The following UBE2H variants were observed in gnomAD, a reference collection of about 807,000 sequenced individuals.
UBE2H encodes ubiquitin conjugating enzyme E2 H.
In UBE2H, 3 loss-of-function variants were observed where a neutral mutation model predicts 29.0. The observed-to-expected ratio is 0.10, with a 90% confidence interval of 0.05 to 0.27. UBE2H has a LOEUF of 0.27. Ranked by LOEUF, UBE2H falls within the 10% of genes least tolerant of loss-of-function variation. UBE2H has a pLI of 1.00. For missense variants in UBE2H, 68 were observed against 228.2 expected (o/e 0.30, Z 4.52); for synonymous variants, 69 against 82.9 (o/e 0.83, Z 0.91).
intron 1 of UBE2H, among the ~76,000 whole-genome samples, chr7:129,890,390 T>A (rs1448814593): frequency 6.6e-6 from 1 of 151,888 alleles, no homozygotes; most frequent in Non-Finnish European, 1.5e-5. Context: ...TATATATATT[T>A]TTTTTAAAGA....
chr7:129,891,977 G>A (rs552193685), intron 1 of UBE2H, among the ~76,000 whole-genome samples: 43 of 127,738 alleles, frequency 3.4e-4, no homozygotes, highest in South Asian at 1.4e-3. Context: ...TTTTGAGACG[G>A]AGTCTTGCTT....
chr7:129,871,443 G>GT (rs1424568970), intron 3 of UBE2H, among the ~76,000 whole-genome samples: 1 of 152,156 alleles, frequency 6.6e-6, no homozygotes, highest in Non-Finnish European at 1.5e-5. Context: ...GGCCAGGCAC[G>GT]TTGGCTCACG....
chr7:129,862,891 G>A (rs1805828385), intron 3 of UBE2H, among the ~76,000 whole-genome samples: 1 of 152,160 alleles, frequency 6.6e-6, no homozygotes, highest in Non-Finnish European at 1.5e-5. Context: ...CCTAAAATAG[G>A]CTAGTTGGGG....
chr7:129,900,582 T>A (rs1806690142), intron 1 of UBE2H, among the ~76,000 whole-genome samples: 1 of 152,236 alleles, frequency 6.6e-6, no homozygotes. Context: ...TCACCATTGT[T>A]GGCCAAATCA....
intron 3 of UBE2H, among the ~76,000 whole-genome samples, chr7:129,873,163 C>T (rs1365031124): frequency 2.6e-5 from 4 of 151,638 alleles, no homozygotes; most frequent in South Asian, 2.1e-4. Context: ...GGAATACAGG[C>T]GCCCGCCACC....
chr7:129,949,533 ATGAG>A (rs1276863103), intron 1 of UBE2H, among the ~76,000 whole-genome samples: 1 of 152,192 alleles, frequency 6.6e-6, no homozygotes, highest in Admixed American at 6.5e-5. Flanking sequence ...GAAACAATGA[ATGAG>A]TCAGAGTTTC....
intron 5 of UBE2H, among the ~76,000 whole-genome samples, chr7:129,841,802 A>T (rs1805434161): frequency 6.6e-6 from 1 of 152,352 alleles, no homozygotes; most frequent in South Asian, 2.1e-4. Context: ...ATGTACCACG[A>T]AAGAAATCCT....
chr7:129,858,964 G>A, intron 3 of UBE2H, 23 bp from the exon 4 acceptor site: 2 of 1,593,150 alleles, frequency 1.3e-6, no homozygotes, highest in Non-Finnish European at 8.6e-7. Flanking sequence ...ATGTTAATTA[G>A]CAGCAAAAAG....
intron 1 of UBE2H, among the ~76,000 whole-genome samples, chr7:129,884,707 T>TCCC: frequency 6.6e-6 from 1 of 151,508 alleles, no homozygotes; most frequent in Admixed American, 6.6e-5. Context: ...CACCTCTACT[T>TCCC]CCCCCTAGCT....
chr7:129,937,201 C>A (rs1298473180), intron 1 of UBE2H, among the ~76,000 whole-genome samples: 4 of 151,802 alleles, frequency 2.6e-5, no homozygotes, highest in Non-Finnish European at 5.9e-5. Flanking sequence ...TGGTGGCAGG[C>A]ACCTGTAGCC....
chr7:129,926,477 C>G lies in UBE2H; in HGVS notation c.53+26026G>C, dbSNP rs922005510. Among the ~76,000 whole-genome samples, 4 of 151,012 alleles carry G rather than the reference C, an allele frequency of 2.6e-5. No individual in the cohort carries two copies. The East Asian group carries it at 7.9e-4, about 30-fold the overall frequency. ...TGAGCTGAGATCACACCATTGCACT[C>G]CGCCTGGGCAACAAGAGCTAAACTC... On this transcript the variant is annotated intron_variant, in intron 1 of 6. Transcript: ENST00000355621.
At chr7:129,845,581 G>C (rs1302121548) in intron 5 of UBE2H, among the ~76,000 whole-genome samples, 1 of 152,194 alleles carries the variant, frequency 6.6e-6, no homozygotes, top group Non-Finnish European at 1.5e-5. Context: ...GATCTGTTCT[G>C]GAGGGGAACT....
At chr7:129,906,989 G>T (rs527809945) in intron 1 of UBE2H, among the ~76,000 whole-genome samples, 1 of 152,274 alleles carries the variant, frequency 6.6e-6, no homozygotes, top group South Asian at 2.1e-4. Context: ...TCTATGCTCT[G>T]GGACAGACCA....
chr7:129,910,351 C>G (rs568915959), intron 1 of UBE2H, among the ~76,000 whole-genome samples: 3 of 150,788 alleles, frequency 2.0e-5, no homozygotes, highest in Admixed American at 6.6e-5. Context: ...AAAACAAAAA[C>G]AAAAAGGCCA....
At chr7:129,847,847 C>T (rs13238782) in intron 5 of UBE2H, among the ~76,000 whole-genome samples, 1 of 152,150 alleles carries the variant, frequency 6.6e-6, no homozygotes, top group African/African-American at 2.4e-5. Context: ...TCTCAGGCTC[C>T]AAGCCTCTGG....
Position 129,934,528 on chromosome 7 carries a change from C to T in UBE2H, c.53+17975G>A, listed in dbSNP as rs138861018. On this transcript the variant is annotated intron_variant, in intron 1 of 6. Coordinates refer to ENST00000355621, the MANE Select transcript of UBE2H (RefSeq NM_003344.4). Reference sequence around the variant, plus strand: ...TCGTGGGCACCTGTAATCCCAGCTACTCAGGAGACTGAGGCAGGAGAATCG... The same window carrying T: ...TCGTGGGCACCTGTAATCCCAGCTATTCAGGAGACTGAGGCAGGAGAATCG... 4.6e-3 allele frequency among the ~76,000 whole-genome samples: 686 copies of T among 150,438 alleles called. 6 individuals are homozygous for T. The highest frequency in any genetic ancestry group is 0.016 in the African/African-American group (652 of 40,890).
chr7:129,835,976 A>G (rs1805317311), intron 6 of UBE2H, among the ~76,000 whole-genome samples: 1 of 152,138 alleles, frequency 6.6e-6, no homozygotes. Context: ...GAATGTTTTT[A>G]TATTTTAAAA....
intron 5 of UBE2H, among the ~76,000 whole-genome samples, chr7:129,849,903 C>T (rs1805578371): frequency 1.3e-5 from 2 of 152,232 alleles, no homozygotes; most frequent in African/African-American, 4.8e-5. Flanking sequence ...AGCAGATTCA[C>T]ATATCTTCTC....
At chr7:129,873,542 C>T (rs1806086258) in intron 3 of UBE2H, among the ~76,000 whole-genome samples, 1 of 150,572 alleles carries the variant, frequency 6.6e-6, no homozygotes, top group Admixed American at 6.7e-5. Flanking sequence ...TCAAGTGATT[C>T]TCCCACCTCA....
Sources: allele counts gnomAD v4.1 joint callset (sites outside exome capture counted in the v4.1 genomes callset), GRCh38; gene constraint gnomAD v4.1.1; transcripts MANE v1.5; gene names NCBI Gene and HGNC (gene_info 2026-07-23, HGNC 2026-07-21).